CHMP3: variants seen among roughly 807,000 people sequenced by gnomAD.
CHMP3 encodes 25.1 protein.
CHMP3 carries 8 observed loss-of-function variants against 27.4 expected under a neutral mutation model. The ratio of observed to expected loss-of-function variants is 0.29; its 90% confidence interval spans 0.17 to 0.53. CHMP3 has a LOEUF of 0.53. CHMP3 is among the 20% of genes least tolerant of loss of function. The pLI is 0.96. For synonymous variants in CHMP3, 86 were observed against 85.5 expected, an observed-to-expected ratio of 1.01 and a Z score of -0.03; for missense variants, 208 against 271.5, an observed-to-expected ratio of 0.77 and a Z score of 1.64.
chr2:86,520,175 A>G (rs1439267601), intron 3 of CHMP3, among the ~76,000 whole-genome samples: 1 of 152,214 alleles, frequency 6.6e-6, no homozygotes, highest in African/African-American at 2.4e-5. Flanking sequence ...TAGCATTTTT[A>G]AAAGCAATGT....
chr2:86,555,732 C>T (rs1215605395), intron 1 of CHMP3, among the ~76,000 whole-genome samples: 1 of 152,088 alleles, frequency 6.6e-6, no homozygotes, highest in African/African-American at 2.4e-5. Flanking sequence ...TGTCTCTGCT[C>T]CATCCTCACA....
At chr2:86,536,321 A>G (rs1449771568) in intron 2 of CHMP3, among the ~76,000 whole-genome samples, 1 of 152,148 alleles carries the variant, frequency 6.6e-6, no homozygotes, top group African/African-American at 2.4e-5. Context: ...TTGTCCATGA[A>G]TCTACCTTTA....
intron 3 of CHMP3, 27 bp from the exon 4 acceptor site, chr2:86,510,506 T>C: frequency 1.2e-6 from 2 of 1,608,240 alleles, no homozygotes; most frequent in South Asian, 1.1e-5. Context: ...ACAGTCAGGA[T>C]TGTTCAACAG....
intron 3 of CHMP3, chr2:86,512,208 C>T (rs1020326392): frequency 3.3e-5 from 5 of 152,196 alleles, no homozygotes; most frequent in African/African-American, 1.2e-4. Flanking sequence ...GGTGATTAGG[C>T]CATGAGGTTC....
chr2:86,550,263 G>C (rs537582242), intron 1 of CHMP3, among the ~76,000 whole-genome samples: 9 of 152,318 alleles, frequency 5.9e-5, no homozygotes, highest in Admixed American at 2.0e-4. Flanking sequence ...GCAATCCCAG[G>C]CACTTGGCAG....
rs557057046 is a variant in CHMP3, at chr2:86,554,780, C to T, written c.45+8524G>A. Among the ~76,000 whole-genome samples the T allele has an allele frequency of 2.9e-3, 430 of 150,520 alleles. 5 individuals carry two copies. The highest frequency in any genetic ancestry group is 0.01 in the African/African-American group (410 of 40,886). ...TTGTTGTATTACACAAGGAAACAAT[C>T]TAGAAGTCCATCAATAGAATAAATG... On this transcript the variant is annotated intron_variant, in intron 1 of 5. Transcript: ENST00000263856.
intron 2 of CHMP3, among the ~76,000 whole-genome samples, chr2:86,537,064 C>T (rs1025623261): frequency 1.3e-5 from 2 of 152,016 alleles, no homozygotes; most frequent in Non-Finnish European, 2.9e-5. Flanking sequence ...GAGGTTTTGC[C>T]GTGTTGCCCA....
At chr2:86,510,283 C>CA in intron 4 of CHMP3, 75 bp downstream of exon 4, 14 of 1,281,058 alleles carry the variant, frequency 1.1e-5, no homozygotes, top group Non-Finnish European at 1.3e-5. Flanking sequence ...CACCCACCCT[C>CA]ATCCCTAGCC....
chr2:86,541,145 T>C (rs958578991), intron 2 of CHMP3: 1 of 152,120 alleles, frequency 6.6e-6, no homozygotes, highest in African/African-American at 2.4e-5. Flanking sequence ...GTGTGACTCT[T>C]CTGAGGTCTC....
At chr2:86,529,096 C>A in intron 3 of CHMP3, 122 bp downstream of exon 3, 2 of 1,141,072 alleles carry the variant, frequency 1.8e-6, no homozygotes, top group South Asian at 4.0e-5. Context: ...CTACAACACT[C>A]AACACTAAGA....
intron 3 of CHMP3, among the ~76,000 whole-genome samples, chr2:86,523,502 G>A (rs1165484567): frequency 6.6e-6 from 1 of 151,982 alleles, no homozygotes; most frequent in African/African-American, 2.4e-5. Flanking sequence ...TAATATTCAC[G>A]ATTTTAACCC....
chr2:86,526,434 A>C (rs540743115), intron 3 of CHMP3, among the ~76,000 whole-genome samples: 8 of 152,352 alleles, frequency 5.3e-5, no homozygotes, highest in African/African-American at 1.9e-4. Flanking sequence ...GCTGCTGGAA[A>C]TATAAATTAG....
intron 4 of CHMP3, 79 bp downstream of exon 4, chr2:86,510,279 C>CAAACCAAG: frequency 1.6e-6 from 2 of 1,239,836 alleles, no homozygotes; most frequent in Non-Finnish European, 2.3e-6. Flanking sequence ...TCCCCACCCA[C>CAAACCAAG]CCTCATCCCT....
chr2:86,532,274 A>AT lies in CHMP3; in HGVS notation c.107-2878dup, dbSNP rs558456758. On this transcript the variant is annotated intron_variant, in intron 2 of 5. Coordinates refer to ENST00000263856, the MANE Select transcript of CHMP3 (RefSeq NM_016079.4). ...TCCATCGTTAATATAGAGAAATACAATTTTTTTTGGTGCTGATTTTGTATC... is the reference window on the plus strand; with the variant it reads ...TCCATCGTTAATATAGAGAAATACAATTTTTTTTTGGTGCTGATTTTGTATC... Among the ~76,000 whole-genome samples, 815 of 152,054 alleles carry AT rather than the reference A, an allele frequency of 5.4e-3. 10 individuals are homozygous for AT. Among genetic ancestry groups the AT allele is most frequent in the African/African-American group, 0.018 (755 of 41,498 alleles).
At chr2:86,512,781 T>G (rs1675153473) in intron 3 of CHMP3, among the ~76,000 whole-genome samples, 1 of 152,218 alleles carries the variant, frequency 6.6e-6, no homozygotes, top group Non-Finnish European at 1.5e-5. Context: ...GAAAAGATGT[T>G]CAACATCTTA....
intron 2 of CHMP3, among the ~76,000 whole-genome samples, chr2:86,530,814 CAT>C (rs1480683680): frequency 6.6e-6 from 1 of 152,218 alleles, no homozygotes; most frequent in Non-Finnish European, 1.5e-5. Context: ...AATTTTACCA[CAT>C]ACTCACCAAC....
chr2:86,515,834 C>T (rs1391587880), intron 3 of CHMP3, among the ~76,000 whole-genome samples: 4 of 151,920 alleles, frequency 2.6e-5, no homozygotes, highest in African/African-American at 9.7e-5. Flanking sequence ...TTGTATTGAT[C>T]ATTAAAATTC....
chr2:86,563,253 C>T (rs1358982202), intron 1 of CHMP3, 51 bp downstream of exon 1: 1 of 1,600,954 alleles, frequency 6.2e-7, no homozygotes, highest in Non-Finnish European at 8.5e-7. Context: ...ACCAACTTCA[C>T]TACGCCCCAC....
intron 2 of CHMP3, among the ~76,000 whole-genome samples, chr2:86,532,573 T>C (rs1252543150): frequency 1.3e-5 from 2 of 152,208 alleles, no homozygotes; most frequent in Non-Finnish European, 2.9e-5. Flanking sequence ...CTGTGGTTTT[T>C]TTCATACATG....
Sources: gnomAD v4.1 joint callset for allele counts (sites outside exome capture counted in the v4.1 genomes callset) on GRCh38, gnomAD v4.1.1 for gene constraint, MANE v1.5 for transcripts, NCBI Gene and HGNC (gene_info 2026-07-23, HGNC 2026-07-21) for gene names.